TMEM175: variants seen among roughly 807,000 people sequenced by gnomAD.
TMEM175 encodes the protein transmembrane protein 175.
TMEM175 carries 36 observed loss-of-function variants against 36.5 expected under a neutral mutation model. The observed-to-expected ratio is 0.99, with a 90% CI of 0.76 to 1.30. The LOEUF is 1.30. Among genes scored for constraint, TMEM175 ranks in the 50% most tolerant of loss-of-function variants. The pLI is 0.00. For synonymous variants in TMEM175, 339 were observed against 313.4 expected (o/e 1.08, Z -0.86); for missense variants, 705 against 692.8 (o/e 1.02, Z -0.20).
At chr4:955,980 CAG>C in intron 10 of TMEM175, 90 bp downstream of exon 10, 10 of 1,497,848 alleles carry the variant, frequency 6.7e-6, no homozygotes, top group Non-Finnish European at 9.1e-6. Context: ...CAGAAAGGCA[CAG>C]GGGTCTTGGC....
rs148070711 is a variant in TMEM175, at chr4:958,192, C to T, written c.1211C>T (p.Thr404Met). ...WTTALLHQAE[T>M]LQPSVWFGGR... ...ACGGCGCTGCTGCACCAGGCGGAGACGCTGCAGCCCTCGGTGTGGTTTGGC... is the reference window on the plus strand; with the variant it reads ...ACGGCGCTGCTGCACCAGGCGGAGATGCTGCAGCCCTCGGTGTGGTTTGGC... Residue 404 changes from threonine to methionine, a missense_variant, in exon 11 of 11, where the codon ACG becomes ATG. Thr to Met is a moderately conservative substitution (Grantham distance 81, BLOSUM62 -1). Transcript: ENST00000264771. 399 of 1,602,578 alleles carry T rather than the reference C, an allele frequency of 2.5e-4. No homozygotes were observed. The highest frequency in any genetic ancestry group is 3.2e-4 in the Non-Finnish European group (377 of 1,177,556).
At chr4:942,887 G>A (rs1373976364) in intron 1 of TMEM175, among the ~76,000 whole-genome samples, 4 of 151,946 alleles carry the variant, frequency 2.6e-5, no homozygotes, top group Non-Finnish European at 4.4e-5. Context: ...TGATCCGCCC[G>A]CCTCTGCCTC....
At chr4:955,561 T>A in intron 9 of TMEM175, 78 bp downstream of exon 9, 1 of 1,511,816 alleles carries the variant, frequency 6.6e-7, no homozygotes, top group African/African-American at 1.4e-5. Context: ...CACTGAGGGC[T>A]GTCCGTGGGC....
intron 5 of TMEM175, 178 bp from the exon 6 acceptor site, chr4:951,504 G>T: frequency 1.2e-6 from 1 of 848,250 alleles, no homozygotes; most frequent in South Asian, 1.6e-5. Flanking sequence ...AGGTGTAGGG[G>T]ACAGAGAGGA....
In TMEM175 at chr4:958,340, C is replaced by G; in HGVS notation, c.1359C>G (p.Ile453Met). ...TGGGCATCTTCCACCTCATGCAGAT[C>G]GCCGTGCCCTGCGCCTTCCTGTTGC... ...FSVGIFHLMQ[I>M]AVPCAFLLLR... The change falls in exon 11 of 11, where the codon ATC becomes ATG. Residue 453 changes from isoleucine to methionine, a missense_variant. Transcript: ENST00000264771. The G allele has an allele frequency of 6.2e-7, 1 of 1,604,646 alleles. No homozygotes were observed. Among genetic ancestry groups the G allele is most frequent in the Non-Finnish European group, 8.5e-7 (1 of 1,179,816 alleles).
rs201039051 is a variant in TMEM175, at chr4:957,905, G to A, written c.924G>A (p.Pro308=). 1.3e-4 allele frequency: 214 copies of A among 1,612,844 alleles called. No individual in the cohort carries two copies. The highest frequency in any genetic ancestry group is 1.5e-4 in the Admixed American group (9 of 60,016). The part of the protein sequence containing the change: ...SLVAALSATG[P]RFLAYFGSFA... Reference sequence around the variant, plus strand: ...TGGCCGCCCTGAGTGCGACCGGGCCGCGCTTCCTGGCGTACTTCGGCTCCT... The same window carrying A: ...TGGCCGCCCTGAGTGCGACCGGGCCACGCTTCCTGGCGTACTTCGGCTCCT... The change falls in exon 11 of 11, where the codon CCG becomes CCA. Residue 308 remains proline (P), a synonymous_variant. Transcript: ENST00000264771.
chr4:955,431 C>T lies in TMEM175; in HGVS notation c.654C>T (p.Ile218=), dbSNP rs780686031. The change falls in exon 9 of 11, where the codon ATC becomes ATT. Residue 218 remains isoleucine, a synonymous_variant. Coordinates refer to ENST00000264771, the MANE Select transcript of TMEM175 (RefSeq NM_032326.4). ...CTTACCTGCTGATGGTGACTGTCATCCTCCTCCCCTATGTCAGCAAGGTCA... is the reference window on the plus strand; with the variant it reads ...CTTACCTGCTGATGGTGACTGTCATTCTCCTCCCCTATGTCAGCAAGGTCA... ...PLSYLLMVTV[I]LLPYVSKVTG... The T allele has an allele frequency of 1.2e-6, 2 of 1,614,142 alleles. No individual in the cohort carries two copies. Among genetic ancestry groups the T allele is most frequent in the Non-Finnish European group, 1.7e-6 (2 of 1,179,988 alleles).
At chr4:954,305 G>T (rs1279799628) in intron 8 of TMEM175, among the ~76,000 whole-genome samples, 2 of 152,330 alleles carry the variant, frequency 1.3e-5, no homozygotes, top group South Asian at 4.1e-4. Flanking sequence ...TTTGGATAAG[G>T]AATCTATACA....
rs1257653315 is a variant in TMEM175, at chr4:950,443, G to T, written c.215G>T (p.Arg72Met). Residue 72 changes from arginine (R) to methionine (M), a missense_variant, in exon 4 of 11, where the codon AGG (arginine) becomes ATG (methionine). Coordinates refer to ENST00000264771, the MANE Select transcript of TMEM175 (RefSeq NM_032326.4). ...PEQQFDRSVQ[R>M]LLATRIAVYL... ...CAGCAGTTCGACAGAAGTGTACAGA[G>T]GCTTCTGGCAACACGGATTGCCGTC... The T allele has an allele frequency of 6.2e-7, 1 of 1,613,966 alleles. No individual in the cohort carries two copies. Among genetic ancestry groups the T allele is most frequent in the Admixed American group, 1.7e-5 (1 of 60,022 alleles).
intron 1 of TMEM175, among the ~76,000 whole-genome samples, chr4:941,836 G>T (rs567310380): frequency 6.6e-6 from 1 of 152,028 alleles, no homozygotes; most frequent in Non-Finnish European, 1.5e-5. Flanking sequence ...TTGGGAGGCC[G>T]AGGCAGGAGA....
chr4:956,461 T>C (rs954661345), intron 10 of TMEM175: 23 of 1,273,762 alleles, frequency 1.8e-5, no homozygotes, highest in Admixed American at 1.5e-4. Context: ...TTTTTTTTTT[T>C]TGAGACAGTC....
chr4:953,186 G>A lies in TMEM175; in HGVS notation c.463-4G>A, dbSNP rs2290405. On this transcript the variant is annotated splice_region_variant and splice_polypyrimidine_tract_variant and intron_variant, in intron 7 of 10. Transcript: ENST00000264771. ...CTGTGTCCTACAGCTTGCTTTTCCCGCAGGCACTGATTGTGGGGTACGCAT... is the reference window on the plus strand; with the variant it reads ...CTGTGTCCTACAGCTTGCTTTTCCCACAGGCACTGATTGTGGGGTACGCAT... 0.59 allele frequency: 940,531 copies of A among 1,599,454 alleles called. 278,547 individuals carry two copies. The highest frequency in any genetic ancestry group is 0.66 in the Middle Eastern group (3,930 of 5,998).
At chr4:946,137 C>T (rs1728109963) in intron 1 of TMEM175, 1 of 152,688 alleles carries the variant, frequency 6.5e-6, no homozygotes, top group Non-Finnish European at 1.5e-5. Flanking sequence ...GTGGGCTCCC[C>T]CTTCTCCGTC....
At position 958,249 on chromosome 4, in the gene TMEM175, TG is replaced by T. The variant is rs774919365; in HGVS notation, c.1270del (p.Ala424ArgfsTer17). ...GAGCATGTGCTCATGTTCGCCAAGC[TG>T]GCGCTGTACCCCTGTGCCAGCCTGC... The part of the protein sequence containing the change: ...GREHVLMFAK[L>X]ALYPCASLLA... On this transcript the variant is annotated frameshift_variant, in exon 11 of 11. Transcript: ENST00000264771. LOFTEE classifies it low-confidence loss of function (END_TRUNC). 8.7e-6 allele frequency: 14 copies of T among 1,605,100 alleles called. No homozygotes were observed. The highest frequency in any genetic ancestry group is 1.0e-5 in the Non-Finnish European group (12 of 1,178,320).
At chr4:938,881 T>C (rs1727109296) in intron 1 of TMEM175, among the ~76,000 whole-genome samples, 1 of 152,220 alleles carries the variant, frequency 6.6e-6, no homozygotes, top group East Asian at 1.9e-4. Context: ...ATTTGACACA[T>C]AGATTCTAAA....
At chr4:945,079 G>T (rs1318764885) in intron 1 of TMEM175, among the ~76,000 whole-genome samples, 1 of 146,354 alleles carries the variant, frequency 6.8e-6, no homozygotes, top group African/African-American at 2.5e-5. Context: ...CTCCAGCGTG[G>T]GCAACAGACT....
intron 8 of TMEM175, among the ~76,000 whole-genome samples, chr4:953,909 T>A (rs1048695622): frequency 3.3e-5 from 5 of 152,204 alleles, no homozygotes; most frequent in African/African-American, 1.2e-4. Context: ...TAGTCTGGAA[T>A]GCCTGGACTA....
At chr4:940,004 A>G (rs774709164) in intron 1 of TMEM175, among the ~76,000 whole-genome samples, 21 of 152,254 alleles carry the variant, frequency 1.4e-4, no homozygotes, top group Admixed American at 1.3e-3. Flanking sequence ...GTAGCATTCA[A>G]TAATAAAAAG....
At chr4:942,030 A>G (rs1261285094) in intron 1 of TMEM175, among the ~76,000 whole-genome samples, 1 of 151,864 alleles carries the variant, frequency 6.6e-6, no homozygotes, top group Admixed American at 6.6e-5. Flanking sequence ...TTGTATGTGT[A>G]TTAATTAGGT....
Sources: allele counts gnomAD v4.1 joint callset (sites outside exome capture counted in the v4.1 genomes callset), GRCh38; gene constraint gnomAD v4.1.1; transcripts MANE v1.5; gene names NCBI Gene and HGNC (gene_info 2026-07-23, HGNC 2026-07-21).